The following PARP12 variants were observed in gnomAD, a reference collection of about 807,000 sequenced individuals.
PARP12 encodes poly(ADP-ribose) polymerase family member 12.
Under a neutral mutation model 72.4 loss-of-function variants are expected in PARP12, and 59 were observed. The observed-to-expected ratio is 0.81, with a 90% CI of 0.66 to 1.01. The LOEUF (loss-of-function observed/expected upper bound fraction) is 1.01. Ranked by LOEUF, PARP12 falls within the 50% of genes least tolerant of loss-of-function variation. The probability of loss-of-function intolerance (pLI) is 0.00; values close to 1 mark genes in which losing one functional copy is unlikely to be tolerated. For synonymous variants in PARP12, 403 were observed against 371.4 expected, an observed-to-expected ratio of 1.09 and a Z score of -0.98; for missense variants, 851 against 914.0, an observed-to-expected ratio of 0.93 and a Z score of 0.89.
intron 4 of PARP12, among the ~76,000 whole-genome samples, chr7:140,048,521 C>T (rs774154710): frequency 6.6e-6 from 1 of 152,144 alleles, no homozygotes; most frequent in African/African-American, 2.4e-5. Flanking sequence ...AGCTAGCTAC[C>T]TCTGAGATAT....
At chr7:140,026,444 A>G (rs1815741212) in intron 10 of PARP12, 96 bp from the exon 11 acceptor site, 9 of 1,513,672 alleles carry the variant, frequency 5.9e-6, no homozygotes, top group South Asian at 5.1e-5. Flanking sequence ...CAAAATTCCA[A>G]AAGTGTCCTG....
At position 140,057,115 on chromosome 7, in the gene PARP12, G is replaced by A. The variant is rs557101274; in HGVS notation, c.501C>T (p.Gly167=). ...TGCACTGCTTTTGAAAGGCACAAGA[G>A]CCGTGGGGTCCATCTCCTTTGTTGT... ...QHYNKGDGPH[G]SCAFQKQCIK... is the part of the protein sequence containing the mutation. The change falls in exon 3 of 12, where the codon GGC becomes GGT. Residue 167 remains glycine, a synonymous_variant. Transcript: ENST00000263549. 1.6e-4 allele frequency: 263 copies of A among 1,614,098 alleles called. 2 individuals are homozygous for A. The South Asian group carries it at 2.8e-3, about 17-fold the overall frequency.
At chr7:140,059,795 G>A (rs375449734) in intron 1 of PARP12, among the ~76,000 whole-genome samples, 44 of 152,302 alleles carry the variant, frequency 2.9e-4, no homozygotes, top group African/African-American at 1.1e-3. Context: ...AAAGTGCAAC[G>A]TCAGCTGTTG....
intron 5 of PARP12, among the ~76,000 whole-genome samples, chr7:140,046,036 C>T (rs943631687): frequency 1.3e-5 from 2 of 152,052 alleles, no homozygotes; most frequent in South Asian, 4.1e-4. Context: ...GAAAATGATC[C>T]GTATCTCAAT....
chr7:140,043,119 A>G lies in PARP12; in HGVS notation c.987-1280T>C, dbSNP rs558887217. Among the ~76,000 whole-genome samples the G allele has an allele frequency of 7.2e-5, 11 of 152,304 alleles. No individual in the cohort carries two copies. In the East Asian group the frequency reaches 9.6e-4, roughly 13 times the overall value. On this transcript the variant is annotated intron_variant, in intron 5 of 11. Coordinates refer to ENST00000263549, the MANE Select transcript of PARP12 (RefSeq NM_022750.4). Reference sequence around the variant, plus strand: ...TGAGGCAGGAGAATGGCATGAACCCAGGAGGCGGAGCTTGCAGTGAGCTGA... The same window carrying G: ...TGAGGCAGGAGAATGGCATGAACCCGGGAGGCGGAGCTTGCAGTGAGCTGA...
intron 9 of PARP12, 200 bp from the exon 10 acceptor site, chr7:140,027,606 C>T: frequency 2.1e-6 from 1 of 470,214 alleles, no homozygotes; most frequent in South Asian, 3.0e-5. Flanking sequence ...TTGGAAACTG[C>T]AATTTTAAGT....
rs763022977 is a variant in PARP12 at position 140,026,204 on chromosome 7, G to A, written c.1773C>T (p.Tyr591=). 5.0e-5 allele frequency: 80 copies of A among 1,614,132 alleles called. No individual in the cohort carries two copies. The Middle Eastern group carries it at 3.6e-3, about 73-fold the overall frequency. Residue 591 remains tyrosine, a synonymous_variant, in exon 11 of 12, where the codon TAC becomes TAT. Transcript: ENST00000263549. ...AGGCCAGTCATGCCTTACCCTTGCCGTAGGAAGTGCCATGAACACCACAGA... is the reference window on the plus strand; with the variant it reads ...AGGCCAGTCATGCCTTACCCTTGCCATAGGAAGTGCCATGAACACCACAGA... ...WRVCGVHGTS[Y]GKGSYFARDA...
chr7:140,034,351 G>A lies in PARP12; in HGVS notation c.1325-20C>T. 1 of 1,585,204 alleles carries A rather than the reference G, an allele frequency of 6.3e-7. No homozygotes were observed. The highest frequency in any genetic ancestry group is 8.6e-7 in the Non-Finnish European group (1 of 1,161,662). On this transcript the variant is annotated intron_variant, in intron 7 of 11. Coordinates refer to ENST00000263549, the MANE Select transcript of PARP12 (RefSeq NM_022750.4). Reference sequence around the variant, plus strand: ...CGAAGGCTGAAAAAAAACATAACCAGTGAAAAAATATACATATACATATAC... The same window carrying A: ...CGAAGGCTGAAAAAAAACATAACCAATGAAAAAATATACATATACATATAC...
intron 8 of PARP12, among the ~76,000 whole-genome samples, chr7:140,030,512 C>T (rs1815898559): frequency 6.6e-6 from 1 of 152,186 alleles, no homozygotes; most frequent in Admixed American, 6.5e-5. Context: ...ACAGGAGAAT[C>T]GCTTGAACTC....
intron 3 of PARP12, among the ~76,000 whole-genome samples, chr7:140,055,539 T>C (rs1057100604): frequency 1.4e-4 from 21 of 152,320 alleles, no homozygotes; most frequent in Admixed American, 8.5e-4. Context: ...TTATTCATCT[T>C]CCCTTTTCTT....
At chr7:140,062,366 C>T (rs1052519344) in intron 1 of PARP12, among the ~76,000 whole-genome samples, 156 bp downstream of exon 1, 7 of 152,202 alleles carry the variant, frequency 4.6e-5, no homozygotes, top group Non-Finnish European at 7.3e-5. Context: ...TCCGCAGGTG[C>T]TCATTAAACG....
intron 6 of PARP12, among the ~76,000 whole-genome samples, chr7:140,040,191 G>A (rs145219689): frequency 2.2e-4 from 33 of 152,266 alleles, no homozygotes; most frequent in Non-Finnish European, 3.5e-4. Flanking sequence ...CGGGATTCCC[G>A]GAGCATGATT....
chr7:140,027,740 T>G, intron 9 of PARP12: 1 of 205,958 alleles, frequency 4.9e-6, no homozygotes, highest in Non-Finnish European at 1.0e-5. Flanking sequence ...TTTACTATGT[T>G]TGCAAATTGT....
intron 4 of PARP12, among the ~76,000 whole-genome samples, chr7:140,054,109 A>G (rs755154108): frequency 3.9e-5 from 6 of 152,262 alleles, no homozygotes; most frequent in Non-Finnish European, 8.8e-5. Context: ...GCATTTAAGA[A>G]GAAAACAAAG....
intron 4 of PARP12, among the ~76,000 whole-genome samples, chr7:140,051,499 T>C (rs1585109008): frequency 6.6e-6 from 1 of 152,102 alleles, no homozygotes; most frequent in Admixed American, 6.5e-5. Context: ...CAAGTGACTT[T>C]CCTGCCTCAT....
At position 140,034,331 on chromosome 7, in the gene PARP12, G is replaced by T. The variant is rs766739805; in HGVS notation, c.1325C>A (p.Ala442Asp). 1 of 1,607,058 alleles carries T rather than the reference G, an allele frequency of 6.2e-7. No individual in the cohort carries two copies. The highest frequency in any genetic ancestry group is 8.5e-7 in the Non-Finnish European group (1 of 1,176,232). ...ATAGACCAGGTTTTTCTGAACGAAGGCTGAAAAAAAACATAACCAGTGAAA... is the reference window on the plus strand; with the variant it reads ...ATAGACCAGGTTTTTCTGAACGAAGTCTGAAAAAAAACATAACCAGTGAAA... Reference protein sequence around the residue: ...GKHNYELDFKAFVQKNLVYGT... With the variant: ...GKHNYELDFKDFVQKNLVYGT... The change falls in exon 8 of 12, where the codon GCC becomes GAC. Residue 442 changes from alanine to aspartate, a missense_variant and splice_region_variant. Coordinates refer to ENST00000263549, the MANE Select transcript of PARP12 (RefSeq NM_022750.4).
At chr7:140,050,201 G>A (rs943941911) in intron 4 of PARP12, among the ~76,000 whole-genome samples, 1 of 152,156 alleles carries the variant, frequency 6.6e-6, no homozygotes, top group East Asian at 1.9e-4. Flanking sequence ...AAGTAGAAAA[G>A]ATCTGGGGTC....
chr7:140,031,891 T>C (rs2116529447), intron 8 of PARP12, among the ~76,000 whole-genome samples: 1 of 152,236 alleles, frequency 6.6e-6, no homozygotes, highest in African/African-American at 2.4e-5. Flanking sequence ...ACTGATACAT[T>C]TAACTAAAAT....
intron 11 of PARP12, 71 bp downstream of exon 11, chr7:140,026,126 C>A (rs1042308602): frequency 6.2e-7 from 1 of 1,611,180 alleles, no homozygotes; most frequent in African/African-American, 1.3e-5. Flanking sequence ...CCCTCATGCC[C>A]TCTAGCAGTC....
Sources: allele counts gnomAD v4.1 joint callset (sites outside exome capture counted in the v4.1 genomes callset), GRCh38; gene constraint gnomAD v4.1.1; transcripts MANE v1.5; gene names NCBI Gene and HGNC (gene_info 2026-07-23, HGNC 2026-07-21).